The following KCNH7 variants were observed in gnomAD, a reference collection of about 807,000 sequenced individuals.
KCNH7 encodes the protein voltage-gated inwardly rectifying potassium channel KCNH7.
In KCNH7, 49 loss-of-function variants were observed where a neutral mutation model predicts 120.8. That is an observed-to-expected ratio of 0.41 (90% CI 0.32 to 0.51). The LOEUF (loss-of-function observed/expected upper bound fraction) is 0.51. KCNH7 is among the 20% of genes least tolerant of loss of function. KCNH7 has a pLI of 0.38. For missense variants in KCNH7, 1,097 were observed against 1,446.6 expected, an observed-to-expected ratio of 0.76 and a Z score of 3.92; for synonymous variants, 547 against 516.1, an observed-to-expected ratio of 1.06 and a Z score of -0.81.
At chr2:162,503,596 G>A (rs1386714375) in intron 6 of KCNH7, among the ~76,000 whole-genome samples, 1 of 152,020 alleles carries the variant, frequency 6.6e-6, no homozygotes, top group Non-Finnish European at 1.5e-5. Flanking sequence ...AGTGTGGTTT[G>A]TAGTGATTAC....
intron 2 of KCNH7, among the ~76,000 whole-genome samples, chr2:162,657,704 T>A (rs1684813994): frequency 6.6e-6 from 1 of 152,286 alleles, no homozygotes; most frequent in South Asian, 2.1e-4. Flanking sequence ...TATACCAAAA[T>A]GTGTGATTGC....
intron 6 of KCNH7, among the ~76,000 whole-genome samples, chr2:162,453,772 G>A (rs1459003449): frequency 6.6e-6 from 1 of 152,110 alleles, no homozygotes; most frequent in Non-Finnish European, 1.5e-5. Flanking sequence ...TTTTGAGAAT[G>A]TGTGTTCATA....
At chr2:162,741,105 A>T (rs1688109909) in intron 2 of KCNH7, among the ~76,000 whole-genome samples, 1 of 152,040 alleles carries the variant, frequency 6.6e-6, no homozygotes, top group African/African-American at 2.4e-5. Context: ...CTAAGTATAA[A>T]ATTAAAGCCA....
rs374861054 is a variant in KCNH7 at position 162,838,692 on chromosome 2, C to T, written c.-174G>A. On this transcript the variant is annotated 5_prime_UTR_variant, in exon 1 of 16. Transcript: ENST00000332142. The stretch of plus-strand genomic sequence containing the variant: ...ACTTCTAGACACCCGCTTTCCCCAC[C>T]GGAGTCCAATCCATTCCCCTCACCT... 1.4e-4 allele frequency: 66 copies of T among 471,288 alleles called. 2 individuals are homozygous for T. The highest frequency in any genetic ancestry group is 5.9e-4 in the Admixed American group (16 of 27,260). The allele number at this position is 471,288 out of a possible 1,614,324, so 29.2% of individuals were successfully genotyped here. A position where few individuals can be genotyped will look rare whatever the true frequency, so the allele number is the denominator to read the frequency against.
At chr2:162,807,391 G>T (rs1249555953) in intron 2 of KCNH7, among the ~76,000 whole-genome samples, 14 of 151,396 alleles carry the variant, frequency 9.2e-5, no homozygotes, top group Non-Finnish European at 1.8e-4. Context: ...GAGCCGATAT[G>T]GTGCCACTGC....
At chr2:162,670,904 TAAAGTA>T (rs1315518758) in intron 2 of KCNH7, among the ~76,000 whole-genome samples, 10 of 151,774 alleles carry the variant, frequency 6.6e-5, no homozygotes, top group African/African-American at 9.7e-5. Context: ...AAATACAAGT[TAAAGTA>T]AAAGAGTATA....
chr2:162,773,445 G>A (rs1227045518), intron 2 of KCNH7, among the ~76,000 whole-genome samples: 1 of 152,104 alleles, frequency 6.6e-6, no homozygotes, highest in Admixed American at 6.5e-5. Context: ...CCGAGATCAC[G>A]CCGCTGCACT....
intron 2 of KCNH7, among the ~76,000 whole-genome samples, chr2:162,691,594 C>G (rs1160538079): frequency 6.6e-6 from 1 of 152,100 alleles, no homozygotes; most frequent in East Asian, 1.9e-4. Context: ...ATTATAAATT[C>G]ATGAGTATTA....
chr2:162,808,141 T>G (rs1684614659), intron 2 of KCNH7, among the ~76,000 whole-genome samples: 1 of 152,240 alleles, frequency 6.6e-6, no homozygotes, highest in African/African-American at 2.4e-5. Context: ...TCTCCTGTAT[T>G]CTTTAAGTCA....
chr2:162,495,993 T>C (rs754868024), intron 6 of KCNH7, among the ~76,000 whole-genome samples: 11 of 152,174 alleles, frequency 7.2e-5, no homozygotes, highest in Non-Finnish European at 1.5e-4. Context: ...CCTTGATTCA[T>C]TTTGATTTAC....
chr2:162,422,043 T>C (rs1451565094), intron 9 of KCNH7, among the ~76,000 whole-genome samples: 1 of 152,138 alleles, frequency 6.6e-6, no homozygotes, highest in Non-Finnish European at 1.5e-5. Flanking sequence ...TAAAGTGTTC[T>C]TTTGGGGGAT....
chr2:162,433,828 C>T (rs149647809), intron 8 of KCNH7, among the ~76,000 whole-genome samples: 1 of 152,112 alleles, frequency 6.6e-6, no homozygotes, highest in Non-Finnish European at 1.5e-5. Context: ...GAAGGTTTCT[C>T]AAACAACTTA....
intron 11 of KCNH7, among the ~76,000 whole-genome samples, chr2:162,394,917 C>T (rs1296697985): frequency 6.6e-6 from 1 of 151,768 alleles, no homozygotes; most frequent in Non-Finnish European, 1.5e-5. Flanking sequence ...GACAGCAAGA[C>T]CAACCATTCC....
intron 6 of KCNH7, among the ~76,000 whole-genome samples, chr2:162,499,815 C>T (rs1039640611): frequency 5.3e-5 from 8 of 152,080 alleles, no homozygotes; most frequent in Admixed American, 3.9e-4. Flanking sequence ...TCTTTGGTAC[C>T]TAGAGATTCC....
At chr2:162,589,605 G>A (rs976505764) in intron 2 of KCNH7, among the ~76,000 whole-genome samples, 1 of 152,032 alleles carries the variant, frequency 6.6e-6, no homozygotes, top group African/African-American at 2.4e-5. Context: ...ATGCACAGAA[G>A]GGGTTGAAAG....
chr2:162,810,958 C>A (rs994636634), intron 2 of KCNH7, among the ~76,000 whole-genome samples: 1 of 152,054 alleles, frequency 6.6e-6, no homozygotes, highest in African/African-American at 2.4e-5. Flanking sequence ...GAAGTTAGCA[C>A]AAAATATTTC....
At chr2:162,647,120 G>T (rs1684388297) in intron 2 of KCNH7, among the ~76,000 whole-genome samples, 1 of 152,284 alleles carries the variant, frequency 6.6e-6, no homozygotes, top group South Asian at 2.1e-4. Context: ...AAAAAGAAAA[G>T]ATAGAGAACC....
At chr2:162,622,775 T>C (rs1683409547) in intron 2 of KCNH7, among the ~76,000 whole-genome samples, 1 of 152,136 alleles carries the variant, frequency 6.6e-6, no homozygotes, top group African/African-American at 2.4e-5. Context: ...TGATTACAAA[T>C]GTCCGAAGAA....
chr2:162,474,610 T>C (rs1429903958), intron 6 of KCNH7, among the ~76,000 whole-genome samples: 6 of 152,244 alleles, frequency 3.9e-5, no homozygotes, highest in African/African-American at 1.4e-4. Flanking sequence ...AAGATGTCAT[T>C]ACTATGTTAA....
Sources: allele counts gnomAD v4.1 joint callset (sites outside exome capture counted in the v4.1 genomes callset), GRCh38; gene constraint gnomAD v4.1.1; transcripts MANE v1.5; gene names NCBI Gene and HGNC (gene_info 2026-07-23, HGNC 2026-07-21).